Variants in KLF12 observed in about 807,000 individuals in gnomAD.
KLF12 encodes KLF transcription factor 12.
KLF12 carries 9 observed loss-of-function variants against 37.8 expected under a neutral mutation model. That is an observed-to-expected ratio of 0.24 (90% CI 0.14 to 0.42). KLF12 has a LOEUF of 0.42. KLF12 is among the 10% of genes least tolerant of loss of function. The probability of loss-of-function intolerance (pLI) is 1.00; values close to 1 mark genes in which losing one functional copy is unlikely to be tolerated. For synonymous variants in KLF12, 208 were observed against 202.1 expected (o/e 1.03, Z -0.25); for missense variants, 411 against 516.0 (o/e 0.80, Z 1.97).
At chr13:73,806,347 C>T (rs990408248) in intron 5 of KLF12, among the ~76,000 whole-genome samples, 6 of 151,534 alleles carry the variant, frequency 4.0e-5, no homozygotes, top group South Asian at 2.1e-4. Flanking sequence ...CAGATCCACC[C>T]GCCTCGGCCT....
chr13:73,747,258 T>C (rs1312039044), intron 6 of KLF12, among the ~76,000 whole-genome samples: 1 of 152,086 alleles, frequency 6.6e-6, no homozygotes, highest in Non-Finnish European at 1.5e-5. Flanking sequence ...CAAAAAGACA[T>C]GGCAGGGATC....
intron 4 of KLF12, among the ~76,000 whole-genome samples, chr13:73,835,215 A>G (rs1288333875): frequency 1.3e-5 from 2 of 152,100 alleles, no homozygotes; most frequent in Non-Finnish European, 2.9e-5. Flanking sequence ...TTGCAACACT[A>G]AACTAGCTGG....
intron 1 of KLF12, among the ~76,000 whole-genome samples, chr13:74,063,453 C>T (rs918278785): frequency 3.3e-5 from 5 of 152,014 alleles, no homozygotes; most frequent in African/African-American, 1.2e-4. Context: ...ATTTAACAAC[C>T]TTCATATTTC....
At chr13:73,895,050 T>C (rs1408662444) in intron 3 of KLF12, among the ~76,000 whole-genome samples, 2 of 152,234 alleles carry the variant, frequency 1.3e-5, no homozygotes, top group African/African-American at 4.8e-5. Context: ...AACGTATTTC[T>C]TTCTTTCTTG....
chr13:73,945,362 G>A (rs951315070), intron 2 of KLF12, among the ~76,000 whole-genome samples: 3 of 152,214 alleles, frequency 2.0e-5, no homozygotes, highest in South Asian at 2.1e-4. Context: ...CAAGCTACTC[G>A]GGAGGCTGAG....
At chr13:73,802,671 C>A (rs1255738502) in intron 5 of KLF12, among the ~76,000 whole-genome samples, 1 of 152,084 alleles carries the variant, frequency 6.6e-6, no homozygotes, top group South Asian at 2.1e-4. Context: ...ATCTTTATGT[C>A]CATGAGTACC....
chr13:73,765,008 CAG>C lies in KLF12; in HGVS notation c.807-10_807-9del. 6.6e-7 allele frequency: 1 copy of C among 1,511,570 alleles called. No individual in the cohort carries two copies. 93.6% of individuals were successfully genotyped at this position (1,511,570 alleles called of 1,614,324 possible). ...ACTGGGGACGGATGTACCCTGTAGACAGAGAAGAATAATCCAGTCATTGAAAA... is the reference window on the plus strand; with the variant it reads ...ACTGGGGACGGATGTACCCTGTAGACAGAAGAATAATCCAGTCATTGAAAA... On this transcript the variant is annotated splice_polypyrimidine_tract_variant and intron_variant, in intron 5 of 7. Coordinates refer to ENST00000377669, the MANE Select transcript of KLF12 (RefSeq NM_007249.5).
intron 1 of KLF12, among the ~76,000 whole-genome samples, chr13:74,061,802 A>T (rs1873609037): frequency 6.6e-6 from 1 of 152,220 alleles, no homozygotes; most frequent in Admixed American, 6.5e-5. Context: ...TGTAGAAATC[A>T]AGGTCACACA....
the KLF12 span, among the ~76,000 whole-genome samples, chr13:74,168,505 G>T: frequency 3.9e-5 from 6 of 152,190 alleles, no homozygotes; most frequent in Non-Finnish European, 8.8e-5. Flanking sequence ...TAGTCCACTG[G>T]TGATATTCGA....
chr13:74,288,895 C>A, the KLF12 span, among the ~76,000 whole-genome samples: 2 of 152,336 alleles, frequency 1.3e-5, no homozygotes, highest in African/African-American at 4.8e-5. Flanking sequence ...CACTGGTCAA[C>A]AAGCTTCCTG....
chr13:74,008,954 G>C (rs1892480790), intron 1 of KLF12, among the ~76,000 whole-genome samples: 1 of 152,184 alleles, frequency 6.6e-6, no homozygotes, highest in Admixed American at 6.5e-5. Context: ...CACTCTGAAA[G>C]GAGATTCTTA....
intron 4 of KLF12, among the ~76,000 whole-genome samples, chr13:73,826,122 G>C (rs551855513): frequency 6.6e-6 from 1 of 151,944 alleles, no homozygotes; most frequent in Non-Finnish European, 1.5e-5. Context: ...ACAGGCGCCC[G>C]CCACCACGCC....
At chr13:73,987,510 T>C (rs765659099) in intron 2 of KLF12, among the ~76,000 whole-genome samples, 15 of 151,896 alleles carry the variant, frequency 9.9e-5, no homozygotes, top group Non-Finnish European at 1.9e-4. Flanking sequence ...TAAGGTACTC[T>C]AAATAGCTTA....
chr13:73,943,271 G>A (rs1414733964), intron 3 of KLF12, among the ~76,000 whole-genome samples: 1 of 152,134 alleles, frequency 6.6e-6, no homozygotes, highest in African/African-American at 2.4e-5. Flanking sequence ...TCAGCCACAT[G>A]AGCAGCACTT....
intron 4 of KLF12, among the ~76,000 whole-genome samples, chr13:73,828,185 C>A (rs187257157): frequency 6.6e-6 from 1 of 152,178 alleles, no homozygotes; most frequent in East Asian, 1.9e-4. Context: ...TCTGTTGGTG[C>A]CCAAAGTCTT....
At chr13:74,083,536 ACAC>A (rs1875066710) in intron 1 of KLF12, among the ~76,000 whole-genome samples, 1 of 149,960 alleles carries the variant, frequency 6.7e-6, no homozygotes, top group South Asian at 2.1e-4. Flanking sequence ...ACACACACAC[ACAC>A]AAACATTTAA....
At chr13:73,953,781 T>C (rs139243583) in intron 2 of KLF12, among the ~76,000 whole-genome samples, 5 of 152,022 alleles carry the variant, frequency 3.3e-5, no homozygotes, top group African/African-American at 7.2e-5. Context: ...TGGAAAAAAA[T>C]AGTGCTGAAG....
the KLF12 span, among the ~76,000 whole-genome samples, chr13:74,227,048 T>C: frequency 6.6e-6 from 1 of 152,210 alleles, no homozygotes; most frequent in African/African-American, 2.4e-5. Context: ...TTCACTGTTT[T>C]GTTAACAAAT....
chr13:74,031,119 T>C (rs1893100773), intron 1 of KLF12, among the ~76,000 whole-genome samples: 1 of 152,172 alleles, frequency 6.6e-6, no homozygotes, highest in Non-Finnish European at 1.5e-5. Flanking sequence ...CTATTTCTTC[T>C]AGATGGAAAC....
Sources: allele counts gnomAD v4.1 joint callset (sites outside exome capture counted in the v4.1 genomes callset), GRCh38; gene constraint gnomAD v4.1.1; transcripts MANE v1.5; gene names NCBI Gene and HGNC (gene_info 2026-07-23, HGNC 2026-07-21).